LHFPL2: variants seen among roughly 807,000 people sequenced by gnomAD.
LHFPL2 encodes the protein LHFPL tetraspan subfamily member 2, also known as LHFPL tetraspan subfamily member 2 protein.
Under a neutral mutation model 17.5 loss-of-function variants are expected in LHFPL2, and 7 were observed. The ratio of observed to expected loss-of-function variants is 0.40; its 90% CI spans 0.23 to 0.75. LHFPL2 has a LOEUF of 0.75. Among genes scored for constraint, LHFPL2 ranks in the 30% least tolerant of loss-of-function variants. LHFPL2 has a pLI of 0.37. For missense variants in LHFPL2, 241 were observed against 294.8 expected, an observed-to-expected ratio of 0.82 and a Z score of 1.34; for synonymous variants, 134 against 116.2, an observed-to-expected ratio of 1.15 and a Z score of -0.99.
At chr5:78,630,109 C>T (rs1452967845) in intron 2 of LHFPL2, among the ~76,000 whole-genome samples, 2 of 152,214 alleles carry the variant, frequency 1.3e-5, no homozygotes, top group Admixed American at 6.5e-5. Context: ...CTACATGGAG[C>T]CGGGCAGCTC....
intron 4 of LHFPL2, among the ~76,000 whole-genome samples, chr5:78,505,460 A>G (rs1450118100): frequency 1.3e-5 from 2 of 152,192 alleles, no homozygotes; most frequent in Admixed American, 1.3e-4. Flanking sequence ...TGTGTGTGTC[A>G]GGGGAAGGGG....
rs559114304 is a variant in LHFPL2, at chr5:78,636,021, C to T, written c.-349-3653G>A. ...ACAGACACACACACACACACACACG[C>T]GCACACAAACACCAATTAAATGAAT... On this transcript the variant is annotated intron_variant, in intron 1 of 4. Transcript: ENST00000380345. Among the ~76,000 whole-genome samples the T allele has an allele frequency of 2.6e-4, 39 of 151,970 alleles. 1 individual carries two copies. The East Asian group carries it at 6.8e-3, about 26-fold the overall frequency.
intron 1 of LHFPL2, among the ~76,000 whole-genome samples, chr5:78,640,079 G>A (rs1472746159): frequency 6.6e-6 from 1 of 152,128 alleles, no homozygotes; most frequent in Non-Finnish European, 1.5e-5. Flanking sequence ...ATAGAATCAG[G>A]AGAGGAAAAA....
intron 1 of LHFPL2, chr5:78,644,202 G>C (rs1036935347): frequency 1.0e-5 from 6 of 593,980 alleles, no homozygotes; most frequent in African/African-American, 9.5e-5. Context: ...TTTAAAAGAA[G>C]TGAAATGCAT....
At chr5:78,638,816 T>C (rs1481561988) in intron 1 of LHFPL2, among the ~76,000 whole-genome samples, 1 of 152,142 alleles carries the variant, frequency 6.6e-6, no homozygotes, top group African/African-American at 2.4e-5. Flanking sequence ...CAGGTCAGAA[T>C]TCAAAACTAT....
At chr5:78,505,112 G>T (rs985646693) in intron 4 of LHFPL2, among the ~76,000 whole-genome samples, 5 of 152,270 alleles carry the variant, frequency 3.3e-5, no homozygotes, top group Admixed American at 3.3e-4. Flanking sequence ...TTCTAAGAGA[G>T]CCCTACACGC....
At chr5:78,589,800 C>T (rs773641583) in intron 2 of LHFPL2, among the ~76,000 whole-genome samples, 7 of 152,192 alleles carry the variant, frequency 4.6e-5, no homozygotes, top group African/African-American at 1.4e-4. Flanking sequence ...CTCAAGGCCT[C>T]GCCTGATGCC....
intron 3 of LHFPL2, among the ~76,000 whole-genome samples, chr5:78,552,753 G>C (rs1756480714): frequency 6.6e-6 from 1 of 152,134 alleles, no homozygotes; most frequent in African/African-American, 2.4e-5. Flanking sequence ...TTTGGGACTT[G>C]TTGGAATGAT....
chr5:78,566,032 G>A (rs752862962), intron 2 of LHFPL2, among the ~76,000 whole-genome samples: 2 of 152,186 alleles, frequency 1.3e-5, no homozygotes, highest in African/African-American at 2.4e-5. Context: ...AGCATTTTGA[G>A]TTCATGAGAT....
At chr5:78,561,372 C>A (rs940150644) in intron 3 of LHFPL2, among the ~76,000 whole-genome samples, 1 of 152,202 alleles carries the variant, frequency 6.6e-6, no homozygotes, top group Non-Finnish European at 1.5e-5. Context: ...ACTACCGTAT[C>A]GGATGGTGCA....
chr5:78,506,585 T>G (rs560103388), intron 4 of LHFPL2, among the ~76,000 whole-genome samples: 1 of 152,198 alleles, frequency 6.6e-6, no homozygotes, highest in African/African-American at 2.4e-5. Context: ...GATGCCAGTA[T>G]GGCAATGTCC....
At chr5:78,599,521 GGCTGGC>G (rs1743940235) in intron 2 of LHFPL2, among the ~76,000 whole-genome samples, 1 of 151,700 alleles carries the variant, frequency 6.6e-6, no homozygotes, top group Non-Finnish European at 1.5e-5. Flanking sequence ...ATGTTGGCCA[GGCTGGC>G]CTCGAACTCC....
intron 2 of LHFPL2, among the ~76,000 whole-genome samples, chr5:78,599,426 A>G (rs954235291): frequency 3.3e-5 from 5 of 151,684 alleles, no homozygotes; most frequent in African/African-American, 1.2e-4. Context: ...CAGCCTCTCA[A>G]GTAGCTGGGA....
intron 2 of LHFPL2, among the ~76,000 whole-genome samples, chr5:78,566,189 C>G (rs984258518): frequency 1.2e-4 from 19 of 152,162 alleles, no homozygotes; most frequent in Admixed American, 1.3e-4. Flanking sequence ...TCAAATACAG[C>G]CATGGGCTAA....
chr5:78,543,581 C>T (rs1394400834), intron 3 of LHFPL2, among the ~76,000 whole-genome samples: 1 of 152,188 alleles, frequency 6.6e-6, no homozygotes, highest in Non-Finnish European at 1.5e-5. Context: ...TGAGAGAATC[C>T]TCAGACCCCA....
In LHFPL2 at chr5:78,522,865, A is replaced by G. The variant is rs10051263; in HGVS notation, c.-185-12467T>C. On this transcript the variant is annotated intron_variant, in intron 3 of 4. Transcript: ENST00000380345. ...GTGAGAATCTTGAGAAAACCAAGAT[A>G]AGGTTTTATCAGGGATATGATATCT... Among the ~76,000 whole-genome samples, 618 of 152,332 alleles carry G rather than the reference A, an allele frequency of 4.1e-3. 1 individual carries two copies. Among genetic ancestry groups the G allele is most frequent in the Admixed American group, 5.8e-3 (88 of 15,300 alleles).
chr5:78,551,979 T>A (rs1310975925), intron 3 of LHFPL2, among the ~76,000 whole-genome samples: 1 of 152,180 alleles, frequency 6.6e-6, no homozygotes, highest in Admixed American at 6.5e-5. Context: ...TCAAATCATA[T>A]ATCTACATGC....
chr5:78,612,640 C>T (rs1744459890), intron 2 of LHFPL2, among the ~76,000 whole-genome samples: 1 of 152,188 alleles, frequency 6.6e-6, no homozygotes, highest in Non-Finnish European at 1.5e-5. Context: ...AGTCAACTAC[C>T]TACCCATGGC....
chr5:78,627,170 C>T (rs970601116), intron 2 of LHFPL2, among the ~76,000 whole-genome samples: 1 of 152,160 alleles, frequency 6.6e-6, no homozygotes, highest in African/African-American at 2.4e-5. Context: ...AGCCATCAGA[C>T]ATGAGACAGT....
Sources: gnomAD v4.1 joint callset for allele counts (sites outside exome capture counted in the v4.1 genomes callset) on GRCh38, gnomAD v4.1.1 for gene constraint, MANE v1.5 for transcripts, NCBI Gene and HGNC (gene_info 2026-07-23, HGNC 2026-07-21) for gene names.